The following FAT3 variants were observed in gnomAD, a reference collection of about 807,000 sequenced individuals.
FAT3 encodes FAT atypical cadherin 3.
In FAT3, 95 loss-of-function variants were observed where a neutral mutation model predicts 310.2. The ratio of observed to expected loss-of-function variants is 0.31; its 90% confidence interval spans 0.26 to 0.36. The LOEUF (loss-of-function observed/expected upper bound fraction) is 0.36. FAT3 is among the 10% of genes least tolerant of loss of function. FAT3 has a pLI of 1.00. For synonymous variants in FAT3, 2,314 were observed against 2,192.9 expected (o/e 1.06, Z -1.54); for missense variants, 5,408 against 5,715.6 (o/e 0.95, Z 1.74).
intron 9 of FAT3, among the ~76,000 whole-genome samples, chr11:92,796,432 G>A (rs193029668): frequency 1.9e-3 from 282 of 152,188 alleles, no homozygotes; most frequent in Middle Eastern, 3.4e-3. Context: ...GATGTTACAT[G>A]AACATGACCA....
chr11:92,699,760 G>A (rs1055325625), intron 4 of FAT3, among the ~76,000 whole-genome samples: 5 of 152,130 alleles, frequency 3.3e-5, no homozygotes, highest in Admixed American at 6.5e-5. Flanking sequence ...AACTTTATAG[G>A]GTTGTTGGGA....
At chr11:92,424,064 G>A (rs1353158262) in intron 2 of FAT3, among the ~76,000 whole-genome samples, 2 of 151,848 alleles carry the variant, frequency 1.3e-5, no homozygotes, top group Non-Finnish European at 2.9e-5. Context: ...CAAAGGTTTT[G>A]TTTTGTTTTG....
At chr11:92,837,917 C>A in intron 17 of FAT3, 111 bp downstream of exon 17, 1 of 1,307,890 alleles carries the variant, frequency 7.6e-7, no homozygotes, top group Non-Finnish European at 1.1e-6. Flanking sequence ...TCATCTCATC[C>A]CTTCATAGGG....
chr11:92,375,749 CTTTG>C (rs1949324504), intron 2 of FAT3, among the ~76,000 whole-genome samples: 1 of 152,156 alleles, frequency 6.6e-6, no homozygotes, highest in African/African-American at 2.4e-5. Context: ...CCAGAGTTGA[CTTTG>C]TTTGCACTTT....
chr11:92,415,372 T>C (rs1445753535), intron 2 of FAT3, among the ~76,000 whole-genome samples: 3 of 152,180 alleles, frequency 2.0e-5, no homozygotes, highest in South Asian at 2.1e-4. Flanking sequence ...TAGATGTTTG[T>C]GTGTTCTTGG....
intron 5 of FAT3, among the ~76,000 whole-genome samples, chr11:92,762,607 C>T (rs1195029875): frequency 1.3e-5 from 2 of 152,068 alleles, no homozygotes; most frequent in African/African-American, 4.8e-5. Flanking sequence ...TGTGATAGAG[C>T]ATGGATATAG....
chr11:92,811,216 T>C (rs138843005), intron 13 of FAT3, among the ~76,000 whole-genome samples: 42 of 152,336 alleles, frequency 2.8e-4, no homozygotes, highest in African/African-American at 1.0e-3. Context: ...AAATAGTCTC[T>C]TTTTTAAAGG....
At chr11:92,268,157 A>G (rs1946021387) in intron 1 of FAT3, among the ~76,000 whole-genome samples, 1 of 152,106 alleles carries the variant, frequency 6.6e-6, no homozygotes, top group Non-Finnish European at 1.5e-5. Context: ...TATCTCATTT[A>G]ATCTTAGCCC....
intron 1 of FAT3, among the ~76,000 whole-genome samples, chr11:92,348,386 A>G (rs915020662): frequency 1.8e-4 from 28 of 152,232 alleles, no homozygotes; most frequent in African/African-American, 4.8e-5. Context: ...TCACTATGCA[A>G]AAGCACCAAT....
At chr11:92,255,694 T>A (rs985817452) in intron 1 of FAT3, among the ~76,000 whole-genome samples, 1 of 152,154 alleles carries the variant, frequency 6.6e-6, no homozygotes, top group Non-Finnish European at 1.5e-5. Context: ...CGGTGTCCTC[T>A]GCAAAGAGGG....
chr11:92,711,046 CAG>C lies in FAT3; in HGVS notation c.3669+13605_3669+13606del, dbSNP rs200276506. On this transcript the variant is annotated intron_variant, in intron 4 of 27. Coordinates refer to ENST00000525166, the MANE Select transcript of FAT3 (RefSeq NM_001367949.2). ...TCATTGTAAGAAAATTTAACAAAAA[CAG>C]AGAAGACAAAGATAAATGAATAAAA... Among the ~76,000 whole-genome samples the C allele has an allele frequency of 8.2e-3, 1,252 of 152,152 alleles. 26 individuals carry two copies. The highest frequency in any genetic ancestry group is 0.029 in the African/African-American group (1,192 of 41,496).
intron 1 of FAT3, among the ~76,000 whole-genome samples, chr11:92,325,832 G>A (rs1022120286): frequency 3.9e-5 from 6 of 152,130 alleles, no homozygotes; most frequent in African/African-American, 9.7e-5. Flanking sequence ...GGGTTTCACC[G>A]TGTTGGCGAG....
chr11:92,490,452 C>T (rs1442517612), intron 2 of FAT3, among the ~76,000 whole-genome samples: 2 of 152,126 alleles, frequency 1.3e-5, no homozygotes, highest in Non-Finnish European at 2.9e-5. Flanking sequence ...GTCTCCTCTC[C>T]TTTCAGATAA....
At chr11:92,816,650 C>G (rs1591773249) in intron 13 of FAT3, among the ~76,000 whole-genome samples, 1 of 152,118 alleles carries the variant, frequency 6.6e-6, no homozygotes, top group African/African-American at 2.4e-5. Context: ...AAGTTAGCCT[C>G]AAGGGTGTGG....
Position 92,792,752 on chromosome 11 carries a change from G to C in FAT3, c.4612-15G>C. 1 of 1,612,330 alleles carries C rather than the reference G, an allele frequency of 6.2e-7. No homozygotes were observed. Among genetic ancestry groups the C allele is most frequent in the Non-Finnish European group, 8.5e-7 (1 of 1,179,062 alleles). The stretch of plus-strand genomic sequence containing the variant: ...TAAAATTTGAGTCCCACCACTTCTT[G>C]TATTTTGCCTAAAGGTCAGAGATCA... On this transcript the variant is annotated splice_polypyrimidine_tract_variant and intron_variant, in intron 8 of 27. Transcript: ENST00000525166.
At position 92,524,807 on chromosome 11, in the gene FAT3, G is replaced by T; in HGVS notation, c.3466G>T (p.Val1156Phe). The T allele has an allele frequency of 6.2e-7, 1 of 1,613,690 alleles. No homozygotes were observed. ...GACCTCAGAACCTATATATTATCCTGTTGTCATGGAAAACTCTCCAAAGGA... is the reference window on the plus strand; with the variant it reads ...GACCTCAGAACCTATATATTATCCTTTTGTCATGGAAAACTCTCCAAAGGA... ...PLTSEPIYYPVVMENSPKDVS... is the reference protein window; with the variant it reads ...PLTSEPIYYPFVMENSPKDVS... The change falls in exon 3 of 28, where the codon GTT becomes TTT. Residue 1156 changes from valine to phenylalanine, a missense_variant. Physicochemically the swap from Val to Phe is conservative, Grantham distance 50. Around this residue, in one of 5 missense-constraint regions of FAT3, gnomAD observed 4,588 missense variants for 4,809.8 expected, o/e 0.95. Transcript: ENST00000525166.
At chr11:92,793,379 C>T (rs1947086369) in intron 9 of FAT3, among the ~76,000 whole-genome samples, 1 of 152,128 alleles carries the variant, frequency 6.6e-6, no homozygotes, top group Non-Finnish European at 1.5e-5. Flanking sequence ...TCTTTGTTTA[C>T]TTGTGAATAG....
intron 13 of FAT3, among the ~76,000 whole-genome samples, chr11:92,813,146 CT>C (rs1341269097): frequency 6.6e-6 from 1 of 152,140 alleles, no homozygotes; most frequent in African/African-American, 2.4e-5. Context: ...AACCTTTTCC[CT>C]TTATAAATTA....
intron 3 of FAT3, among the ~76,000 whole-genome samples, chr11:92,605,873 C>A (rs148341683): frequency 6.6e-6 from 1 of 151,864 alleles, no homozygotes; most frequent in Admixed American, 6.6e-5. Context: ...ATACTCCTGG[C>A]GAGGGCCCCT....
Sources: gnomAD v4.1 joint callset for allele counts (sites outside exome capture counted in the v4.1 genomes callset) on GRCh38, gnomAD v4.1.1 for gene constraint, gnomAD v4.1.1 regional missense constraint, MANE v1.5 for transcripts, NCBI Gene and HGNC (gene_info 2026-07-23, HGNC 2026-07-21) for gene names.